MYO3A: variants seen among roughly 807,000 people sequenced by gnomAD.
MYO3A encodes the protein myosin-IIIa.
In MYO3A, 180 loss-of-function variants were observed where a neutral mutation model predicts 192.7. The observed-to-expected ratio is 0.93, with a 90% CI of 0.83 to 1.06. MYO3A has a LOEUF of 1.06. Ranked by LOEUF, MYO3A falls within the 50% of genes least tolerant of loss-of-function variation. The pLI, the probability that MYO3A is intolerant of heterozygous loss-of-function variation, is 0.00. For missense variants in MYO3A, 1,896 were observed against 1,905.0 expected, an observed-to-expected ratio of 1.00 and a Z score of 0.09; for synonymous variants, 628 against 645.3, an observed-to-expected ratio of 0.97 and a Z score of 0.41.
intron 17 of MYO3A, among the ~76,000 whole-genome samples, chr10:26,098,305 G>T (rs1382962427): frequency 6.6e-6 from 1 of 152,140 alleles, no homozygotes; most frequent in Non-Finnish European, 1.5e-5. Context: ...GTAGATTCTG[G>T]ATATAAGCCC....
At chr10:26,094,833 A>G (rs1359738117) in intron 15 of MYO3A, among the ~76,000 whole-genome samples, 4 of 152,218 alleles carry the variant, frequency 2.6e-5, no homozygotes, top group African/African-American at 7.2e-5. Flanking sequence ...ATCCTTTCTT[A>G]CCTTTTAAGT....
chr10:26,146,672 C>T (rs1184160323), intron 22 of MYO3A, among the ~76,000 whole-genome samples: 1 of 152,162 alleles, frequency 6.6e-6, no homozygotes, highest in Non-Finnish European at 1.5e-5. Flanking sequence ...CATTAATTAC[C>T]TCCATAAAGG....
intron 30 of MYO3A, 47 bp from the exon 31 acceptor site, chr10:26,176,654 C>A: frequency 6.4e-7 from 1 of 1,564,380 alleles, no homozygotes; most frequent in South Asian, 1.1e-5. Context: ...GCAGAACTCT[C>A]TGTATTCTTT....
intron 6 of MYO3A, 22 bp downstream of exon 6, chr10:25,997,280 T>A: frequency 6.6e-7 from 1 of 1,523,630 alleles, no homozygotes; most frequent in Admixed American, 1.7e-5. Flanking sequence ...TTAAAATGCA[T>A]GAGTTTTAAC....
chr10:25,954,903 T>G lies in MYO3A; in HGVS notation c.198T>G (p.Tyr66Ter). 1.9e-6 allele frequency: 3 copies of G among 1,612,584 alleles called. No individual in the cohort carries two copies. The highest frequency in any genetic ancestry group is 1.1e-5 in the South Asian group (1 of 91,044). ...HDIDEEIEAE[Y>*]NILKALSDHP... ...TTGACGAAGAGATTGAAGCAGAATATAACATCTTAAAAGCACTTTCTGACC... is the reference window on the plus strand; with the variant it reads ...TTGACGAAGAGATTGAAGCAGAATAGAACATCTTAAAAGCACTTTCTGACC... The change falls in exon 4 of 35, where the codon TAT (tyrosine) becomes TAG (stop). Residue 66 changes from tyrosine (Y) to a stop codon, truncating the protein, a stop_gained. Coordinates refer to ENST00000642920, the MANE Select transcript of MYO3A (RefSeq NM_017433.5). LOFTEE classifies it high-confidence loss of function.
At chr10:26,053,824 C>CA (rs1451360937) in intron 10 of MYO3A, among the ~76,000 whole-genome samples, 1 of 112,086 alleles carries the variant, frequency 8.9e-6, no homozygotes, top group Non-Finnish European at 2.2e-5. Context: ...GACTCCGTTT[C>CA]AAAAAAAGAA....
At chr10:26,130,295 G>A (rs1344794711) in intron 20 of MYO3A, among the ~76,000 whole-genome samples, 2 of 152,046 alleles carry the variant, frequency 1.3e-5, no homozygotes, top group East Asian at 1.9e-4. Context: ...TCATGGAAAC[G>A]GGGTTTCACC....
chr10:26,189,803 C>T (rs954474086), intron 31 of MYO3A, among the ~76,000 whole-genome samples: 5 of 152,082 alleles, frequency 3.3e-5, no homozygotes, highest in East Asian at 1.9e-4. Context: ...TGGTGGCTCA[C>T]GCCTGTAATC....
At chr10:26,172,410 C>T (rs1842096150) in intron 29 of MYO3A, among the ~76,000 whole-genome samples, 1 of 152,182 alleles carries the variant, frequency 6.6e-6, no homozygotes, top group Non-Finnish European at 1.5e-5. Flanking sequence ...TCAGAAGCAC[C>T]CATCATTGCA....
At chr10:26,075,860 C>T (rs12413095) in intron 14 of MYO3A, among the ~76,000 whole-genome samples, 1 of 148,864 alleles carries the variant, frequency 6.7e-6, no homozygotes, top group Non-Finnish European at 1.5e-5. Flanking sequence ...TCATATATAT[C>T]TATATGTATC....
At chr10:26,137,029 C>CAA (rs11420363) in intron 20 of MYO3A, among the ~76,000 whole-genome samples, 42 of 146,904 alleles carry the variant, frequency 2.9e-4, no homozygotes, top group African/African-American at 6.8e-4. Context: ...AAAAACAAAA[C>CAA]AAAAAAAAAA....
intron 23 of MYO3A, among the ~76,000 whole-genome samples, chr10:26,148,888 A>G (rs1273291388): frequency 6.6e-6 from 1 of 152,168 alleles, no homozygotes; most frequent in Admixed American, 6.5e-5. Flanking sequence ...TTAATTCCAA[A>G]GGATTTTCTT....
In MYO3A at chr10:26,102,408, A is replaced by C. The variant is rs539301076; in HGVS notation, c.1776+5726A>C. On this transcript the variant is annotated intron_variant, in intron 17 of 34. Transcript: ENST00000642920. ...AAGTCTTCTTCTCTCAACTCATCAA[A>C]GTGATTCTCCGTCCAGCTTTGTTCC... Among the ~76,000 whole-genome samples, 186 of 152,312 alleles carry C rather than the reference A, an allele frequency of 1.2e-3. 2 individuals are homozygous for C. In the South Asian group the frequency reaches 0.018, roughly 15 times the overall value.
intron 23 of MYO3A, among the ~76,000 whole-genome samples, chr10:26,152,529 G>A (rs1377486828): frequency 6.6e-6 from 1 of 152,144 alleles, no homozygotes; most frequent in Non-Finnish European, 1.5e-5. Flanking sequence ...ATTTTTAGGG[G>A]AAAGTGCACC....
chr10:26,017,342 TA>T (rs1401442815), intron 7 of MYO3A, among the ~76,000 whole-genome samples: 3 of 152,242 alleles, frequency 2.0e-5, no homozygotes, highest in African/African-American at 7.2e-5. Context: ...TCAGCTTTAA[TA>T]AATTCTTTAC....
chr10:26,198,495 T>G (rs1262644919), intron 32 of MYO3A, among the ~76,000 whole-genome samples: 1 of 152,248 alleles, frequency 6.6e-6, no homozygotes, highest in African/African-American at 2.4e-5. Flanking sequence ...TTCCCTGAAC[T>G]ACAGCAGTAG....
intron 31 of MYO3A, among the ~76,000 whole-genome samples, chr10:26,184,741 C>T (rs920593527): frequency 1.3e-5 from 2 of 152,310 alleles, no homozygotes; most frequent in South Asian, 2.1e-4. Flanking sequence ...CTACTGAATA[C>T]AGCAATAACC....
chr10:25,962,292 A>G (rs1456685346), intron 4 of MYO3A, among the ~76,000 whole-genome samples: 2 of 152,168 alleles, frequency 1.3e-5, no homozygotes, highest in Middle Eastern at 3.2e-3. Context: ...TGAATGATAT[A>G]CAAGGACTCT....
intron 17 of MYO3A, among the ~76,000 whole-genome samples, chr10:26,116,432 C>T (rs1838509218): frequency 6.6e-6 from 1 of 152,110 alleles, no homozygotes; most frequent in African/African-American, 2.4e-5. Context: ...ATTAGGAATC[C>T]ACTGTACTCC....
Sources: gnomAD v4.1 joint callset for allele counts (sites outside exome capture counted in the v4.1 genomes callset) on GRCh38, gnomAD v4.1.1 for gene constraint, MANE v1.5 for transcripts, NCBI Gene and HGNC (gene_info 2026-07-23, HGNC 2026-07-21) for gene names.